The following TMEM132D variants were observed in gnomAD, a reference collection of about 807,000 sequenced individuals.
TMEM132D encodes transmembrane protein 132D, also known as mature OL transmembrane protein.
In TMEM132D, 21 loss-of-function variants were observed where a neutral mutation model predicts 62.3. The observed-to-expected ratio is 0.34, with a 90% CI of 0.24 to 0.49. TMEM132D has a LOEUF of 0.49. TMEM132D is among the 20% of genes least tolerant of loss of function. The pLI, the probability that TMEM132D is intolerant of heterozygous loss-of-function variation, is 0.99. For synonymous variants in TMEM132D, 621 were observed against 575.6 expected (o/e 1.08, Z -1.13); for missense variants, 1,346 against 1,402.8 (o/e 0.96, Z 0.65).
At chr12:129,826,744 C>A (rs1056261719) in intron 1 of TMEM132D, among the ~76,000 whole-genome samples, 2 of 152,094 alleles carry the variant, frequency 1.3e-5, no homozygotes, top group African/African-American at 4.8e-5. Context: ...TAACCAGGTA[C>A]GAATGGACTA....
chr12:129,215,973 A>G (rs1383068153), intron 4 of TMEM132D, among the ~76,000 whole-genome samples: 1 of 152,172 alleles, frequency 6.6e-6, no homozygotes. Context: ...TGATTCAATT[A>G]TCTCCCACCA....
intron 2 of TMEM132D, among the ~76,000 whole-genome samples, chr12:129,636,136 T>C (rs1392338412): frequency 6.6e-6 from 1 of 152,200 alleles, no homozygotes; most frequent in Non-Finnish European, 1.5e-5. Flanking sequence ...AGGCAATAGA[T>C]GGCAAATATT....
At chr12:129,471,582 A>C (rs1322873203) in intron 3 of TMEM132D, among the ~76,000 whole-genome samples, 2 of 152,186 alleles carry the variant, frequency 1.3e-5, no homozygotes, top group Non-Finnish European at 2.9e-5. Flanking sequence ...ATGGCCTCTA[A>C]GTGTTCCAGG....
chr12:129,848,507 T>C (rs1873436665), intron 1 of TMEM132D, among the ~76,000 whole-genome samples: 1 of 152,116 alleles, frequency 6.6e-6, no homozygotes, highest in Non-Finnish European at 1.5e-5. Context: ...CGTTTTCCAA[T>C]GGGGAAAAAG....
At chr12:129,086,673 T>C (rs949754390) in intron 5 of TMEM132D, among the ~76,000 whole-genome samples, 1 of 140,496 alleles carries the variant, frequency 7.1e-6, no homozygotes, top group African/African-American at 2.7e-5. Flanking sequence ...ACATATAATA[T>C]ATAATACAAA....
At chr12:129,254,607 G>A (rs919617476) in intron 4 of TMEM132D, among the ~76,000 whole-genome samples, 1 of 152,152 alleles carries the variant, frequency 6.6e-6, no homozygotes, top group Non-Finnish European at 1.5e-5. Flanking sequence ...TTAACGCCGT[G>A]CTTTGGGACA....
rs571968299 is a variant in TMEM132D, at chr12:129,700,089, A to G, written c.689T>C (p.Val230Ala). The change falls in exon 2 of 9, where the codon GTG becomes GCG. Residue 230 changes from valine (V) to alanine (A), a missense_variant. By Grantham distance (64) the Val-to-Ala change is moderately conservative. Coordinates refer to ENST00000422113, the MANE Select transcript of TMEM132D (RefSeq NM_133448.3). ...GTCCCCTCTCTCACCCCCTGGGTGC[A>G]CGGTGTAGTAGAGCTCCACGGGGGT... ...EGTPVELYYT[V>A]HPGGERGDCV... The G allele has an allele frequency of 8.2e-5, 132 of 1,613,358 alleles. No individual in the cohort carries two copies. The highest frequency in any genetic ancestry group is 1.1e-4 in the Non-Finnish European group (130 of 1,180,016).
intron 4 of TMEM132D, among the ~76,000 whole-genome samples, chr12:129,296,848 C>A (rs1267582660): frequency 6.6e-6 from 1 of 152,164 alleles, no homozygotes; most frequent in Non-Finnish European, 1.5e-5. Context: ...TATACACTAC[C>A]AAGCTCATTA....
intron 5 of TMEM132D, among the ~76,000 whole-genome samples, chr12:129,122,285 T>C (rs913837877): frequency 1.3e-5 from 2 of 152,150 alleles, no homozygotes; most frequent in Admixed American, 6.6e-5. Context: ...ACATACCAGA[T>C]GCTGTGGGGG....
At chr12:129,839,364 G>T (rs1873109978) in intron 1 of TMEM132D, among the ~76,000 whole-genome samples, 1 of 151,598 alleles carries the variant, frequency 6.6e-6, no homozygotes, top group Non-Finnish European at 1.5e-5. Flanking sequence ...CTGACCTTGT[G>T]ATCCGCCTGC....
chr12:129,299,125 A>G (rs1337560519), intron 4 of TMEM132D, among the ~76,000 whole-genome samples: 2 of 152,210 alleles, frequency 1.3e-5, no homozygotes, highest in Non-Finnish European at 2.9e-5. Context: ...CAGATATGAC[A>G]TCTGATTTAG....
At chr12:129,420,200 T>C (rs1872259043) in intron 3 of TMEM132D, among the ~76,000 whole-genome samples, 1 of 151,846 alleles carries the variant, frequency 6.6e-6, no homozygotes, top group Non-Finnish European at 1.5e-5. Flanking sequence ...ACCGATGGTG[T>C]CCCGGCTATA....
intron 5 of TMEM132D, among the ~76,000 whole-genome samples, chr12:129,134,646 A>G (rs1876502875): frequency 6.6e-6 from 1 of 152,228 alleles, no homozygotes; most frequent in African/African-American, 2.4e-5. Flanking sequence ...TGAAGATCCA[A>G]GAGAACAATT....
At chr12:129,471,358 G>A (rs1394591581) in intron 3 of TMEM132D, among the ~76,000 whole-genome samples, 4 of 151,946 alleles carry the variant, frequency 2.6e-5, no homozygotes, top group Middle Eastern at 3.2e-3. Context: ...TATTATTACA[G>A]TATCTGTATG....
rs1219820566 is a variant in TMEM132D at position 129,072,956 on chromosome 12, A to AGTT, written c.*916_*918dup. 6.6e-5 allele frequency: 10 copies of AGTT among 152,122 alleles called. No homozygotes were observed. Among genetic ancestry groups the AGTT allele is most frequent in the African/African-American group, 2.4e-4 (10 of 41,412 alleles). The allele number at this position is 152,122 out of a possible 1,614,324, so 9.4% of individuals were successfully genotyped here. On this transcript the variant is annotated 3_prime_UTR_variant, in exon 9 of 9. Transcript: ENST00000422113. The stretch of plus-strand genomic sequence containing the variant: ...GCTTCTCTACAGAATGTCACTTGGG[A>AGTT]GTTGACACAAAACCCAGGGGGAGAA...
chr12:129,302,712 T>G (rs1315044570), intron 4 of TMEM132D, among the ~76,000 whole-genome samples: 1 of 152,216 alleles, frequency 6.6e-6, no homozygotes, highest in Non-Finnish European at 1.5e-5. Context: ...AGGGAAAACC[T>G]AACCCCATAA....
At chr12:129,114,734 G>A (rs767027779) in intron 5 of TMEM132D, among the ~76,000 whole-genome samples, 13 of 152,048 alleles carry the variant, frequency 8.5e-5, no homozygotes, top group Non-Finnish European at 1.5e-4. Flanking sequence ...TCGCCACCTC[G>A]TTTTCCCTGC....
chr12:129,089,756 C>A (rs1230413182), intron 5 of TMEM132D, among the ~76,000 whole-genome samples: 1 of 152,246 alleles, frequency 6.6e-6, no homozygotes, highest in African/African-American at 2.4e-5. Flanking sequence ...CCCCAGCAGG[C>A]ACTGTTATTG....
chr12:129,654,816 T>A (rs1880028967), intron 2 of TMEM132D, among the ~76,000 whole-genome samples: 3 of 152,322 alleles, frequency 2.0e-5, no homozygotes, highest in Admixed American at 2.0e-4. Flanking sequence ...ATTGTGTATA[T>A]CTGACAGAAA....
Sources: allele counts gnomAD v4.1 joint callset (sites outside exome capture counted in the v4.1 genomes callset), GRCh38; gene constraint gnomAD v4.1.1; transcripts MANE v1.5; gene names NCBI Gene and HGNC (gene_info 2026-07-23, HGNC 2026-07-21).